The following PKHD1 variants were observed in gnomAD, a reference collection of about 807,000 sequenced individuals.
PKHD1 encodes the protein fibrocystin.
A neutral mutation model predicts 412.0 loss-of-function variants in PKHD1; 291 were observed. That is an observed-to-expected ratio of 0.71 (90% CI 0.64 to 0.78). The LOEUF (loss-of-function observed/expected upper bound fraction) is 0.78. Ranked by LOEUF, PKHD1 falls within the 30% of genes least tolerant of loss-of-function variation. The probability of loss-of-function intolerance (pLI) is 0.00; values close to 1 mark genes in which losing one functional copy is unlikely to be tolerated. For synonymous variants in PKHD1, 1,777 were observed against 1,821.5 expected, an observed-to-expected ratio of 0.98 and a Z score of 0.62; for missense variants, 4,825 against 4,950.7, an observed-to-expected ratio of 0.97 and a Z score of 0.76.
At chr6:51,832,238 C>A (rs1768378474) in intron 51 of PKHD1, among the ~76,000 whole-genome samples, 2 of 151,954 alleles carry the variant, frequency 1.3e-5, no homozygotes, top group African/African-American at 4.8e-5. Context: ...CAAGATTTTG[C>A]CAGGAGAAGC....
chr6:51,721,188 G>C, intron 60 of PKHD1: 1 of 929,480 alleles, frequency 1.1e-6, no homozygotes, highest in Non-Finnish European at 1.3e-6. Flanking sequence ...TAAGGTCATG[G>C]CCAAGGTCTG....
intron 52 of PKHD1, among the ~76,000 whole-genome samples, chr6:51,805,553 A>T (rs1031752708): frequency 6.6e-6 from 1 of 152,188 alleles, no homozygotes; most frequent in African/African-American, 2.4e-5. Flanking sequence ...TATATTTTTT[A>T]AAAAAGACTG....
intron 26 of PKHD1, 57 bp downstream of exon 26, chr6:52,043,568 A>G: frequency 7.9e-7 from 1 of 1,267,688 alleles, no homozygotes. Context: ...GGCCTCTAAC[A>G]AAATCACTGC....
intron 60 of PKHD1, among the ~76,000 whole-genome samples, chr6:51,693,149 T>A (rs142350056): frequency 1.3e-5 from 2 of 152,284 alleles, no homozygotes; most frequent in African/African-American, 4.8e-5. Context: ...TACACACACA[T>A]AGAAAGGGAG....
intron 49 of PKHD1, among the ~76,000 whole-genome samples, chr6:51,855,197 G>A (rs1422484021): frequency 6.6e-6 from 1 of 152,012 alleles, no homozygotes; most frequent in African/African-American, 2.4e-5. Flanking sequence ...GTGGGCCACC[G>A]CACCACACTG....
At chr6:51,972,058 G>A (rs564297347) in intron 35 of PKHD1, among the ~76,000 whole-genome samples, 62 of 152,142 alleles carry the variant, frequency 4.1e-4, no homozygotes, top group South Asian at 2.5e-3. Context: ...TTAAAGGCCC[G>A]TATTCTGACT....
chr6:51,953,743 C>T (rs1376742416), intron 36 of PKHD1, among the ~76,000 whole-genome samples: 1 of 152,002 alleles, frequency 6.6e-6, no homozygotes, highest in South Asian at 2.1e-4. Flanking sequence ...TATGCATTTC[C>T]ATGACATAGA....
At chr6:51,945,344 C>T (rs975988328) in intron 36 of PKHD1, among the ~76,000 whole-genome samples, 1 of 152,174 alleles carries the variant, frequency 6.6e-6, no homozygotes, top group Non-Finnish European at 1.5e-5. Context: ...TCTGAATGAG[C>T]CTCAGTAAGT....
At chr6:52,055,875 T>A in intron 18 of PKHD1, 146 bp from the exon 19 acceptor site, 1 of 748,220 alleles carries the variant, frequency 1.3e-6, no homozygotes, top group Non-Finnish European at 2.1e-6. Flanking sequence ...CTTGAGTAAG[T>A]AACTCAACCT....
chr6:51,711,578 G>A (rs1011785705), intron 60 of PKHD1, among the ~76,000 whole-genome samples: 1 of 152,174 alleles, frequency 6.6e-6, no homozygotes, highest in East Asian at 1.9e-4. Context: ...ACCATGTTGA[G>A]AATATTTGTC....
intron 19 of PKHD1, 43 bp downstream of exon 19, chr6:52,055,544 A>G (rs1316966945): frequency 1.2e-6 from 2 of 1,609,504 alleles, no homozygotes; most frequent in East Asian, 2.2e-5. Context: ...AGCAATACCA[A>G]TACCTACCCA....
chr6:51,954,293 C>T (rs1350026247), intron 36 of PKHD1, among the ~76,000 whole-genome samples: 1 of 151,990 alleles, frequency 6.6e-6, no homozygotes, highest in African/African-American at 2.4e-5. Context: ...CTCATTGTTA[C>T]TATTATTGTC....
At chr6:51,890,823 G>C (rs1037961785) in intron 43 of PKHD1, among the ~76,000 whole-genome samples, 41 of 152,148 alleles carry the variant, frequency 2.7e-4, no homozygotes, top group Non-Finnish European at 3.4e-4. Flanking sequence ...GGAGGATGAG[G>C]GTTCTGGAAT....
intron 37 of PKHD1, among the ~76,000 whole-genome samples, chr6:51,923,073 A>G (rs889177679): frequency 1.3e-5 from 2 of 152,168 alleles, no homozygotes; most frequent in Non-Finnish European, 2.9e-5. Context: ...GCCATCTTGG[A>G]ACCCAACCCC....
chr6:51,808,095 A>G (rs1169289076), intron 52 of PKHD1, among the ~76,000 whole-genome samples: 3 of 152,158 alleles, frequency 2.0e-5, no homozygotes, highest in Non-Finnish European at 4.4e-5. Flanking sequence ...AAATTAAAGT[A>G]CTTTTTGTAC....
At chr6:51,729,379 A>G (rs1348818483) in intron 60 of PKHD1, among the ~76,000 whole-genome samples, 1 of 152,190 alleles carries the variant, frequency 6.6e-6, no homozygotes, top group East Asian at 1.9e-4. Flanking sequence ...TTTCCATATA[A>G]ATGAGTTATA....
intron 60 of PKHD1, among the ~76,000 whole-genome samples, chr6:51,737,153 C>T (rs959428116): frequency 5.9e-5 from 9 of 152,156 alleles, no homozygotes; most frequent in African/African-American, 2.2e-4. Context: ...TCCCTACTGT[C>T]TCATGGTAAA....
chr6:51,822,092 A>T (rs556640791), intron 52 of PKHD1, among the ~76,000 whole-genome samples: 1 of 152,352 alleles, frequency 6.6e-6, no homozygotes, highest in South Asian at 2.1e-4. Flanking sequence ...ACCTGAGCCT[A>T]TTAATTTAGA....
At chr6:51,751,629 A>G (rs1046924065) in intron 57 of PKHD1, among the ~76,000 whole-genome samples, 1 of 152,176 alleles carries the variant, frequency 6.6e-6, no homozygotes. Context: ...ACCACTTACT[A>G]CTTGAATGAC....
Sources: gnomAD v4.1 joint callset for allele counts (sites outside exome capture counted in the v4.1 genomes callset) on GRCh38, gnomAD v4.1.1 for gene constraint, MANE v1.5 for transcripts, NCBI Gene and HGNC (gene_info 2026-07-23, HGNC 2026-07-21) for gene names.